The following OR51B5 variants were observed in gnomAD, a reference collection of about 807,000 sequenced individuals.
OR51B5 encodes the protein olfactory receptor family 51 subfamily B member 5.
For missense variants in OR51B5, 456 were observed against 374.6 expected (o/e 1.22, Z -1.79); for synonymous variants, 186 against 144.8 (o/e 1.28, Z -2.04).
chr11:5,403,752 C>CT (rs1268235303), intron 1 of OR51B5, among the ~76,000 whole-genome samples: 1 of 151,996 alleles, frequency 6.6e-6, no homozygotes, highest in Non-Finnish European at 1.5e-5. Flanking sequence ...AAAAGTGAGG[C>CT]TTTTTTAAAA....
At chr11:5,495,419 A>G (rs1351608800) in intron 1 of OR51B5, among the ~76,000 whole-genome samples, 1 of 152,244 alleles carries the variant, frequency 6.6e-6, no homozygotes, top group Admixed American at 6.5e-5. Context: ...AGGGATACAC[A>G]GTGTATTAAG....
Position 5,477,384 on chromosome 11 carries a change from A to C in OR51B5, n.84+28185T>G, listed in dbSNP as rs1389068698. On this transcript the variant is annotated intron_variant and non_coding_transcript_variant, in intron 1 of 4. Coordinates refer to the OR51B5 transcript ENST00000415970. ...CACCACAATCCTACCGGTCACCTTG[A>C]GGCTCACCTCCTTGAAGCTCCCAGG... 2.0e-5 allele frequency among the ~76,000 whole-genome samples: 3 copies of C among 152,254 alleles called. No homozygotes were observed. In the East Asian group the frequency reaches 5.8e-4, roughly 29 times the overall value.
chr11:5,422,479 A>T, intron 1 of OR51B5: 1 of 1,614,156 alleles, frequency 6.2e-7, no homozygotes, highest in African/African-American at 1.3e-5. Context: ...ACGTTCGTAG[A>T]ATCAGCTCTG....
intron 1 of OR51B5, among the ~76,000 whole-genome samples, chr11:5,452,594 G>A (rs1228809633): frequency 2.0e-5 from 3 of 148,238 alleles, no homozygotes; most frequent in African/African-American, 7.5e-5. Context: ...GACTTTACGA[G>A]ATATGGAGAT....
chr11:5,370,525 T>G (rs535982631), intron 1 of OR51B5, among the ~76,000 whole-genome samples: 109 of 152,328 alleles, frequency 7.2e-4, no homozygotes, highest in African/African-American at 2.4e-3. Flanking sequence ...TCTCTTTCTT[T>G]CATTCTTACT....
At chr11:5,446,214 T>C (rs1850760917) in intron 1 of OR51B5, among the ~76,000 whole-genome samples, 1 of 151,980 alleles carries the variant, frequency 6.6e-6, no homozygotes, top group African/African-American at 2.4e-5. Flanking sequence ...GTAACAAACC[T>C]GCACTTTGTG....
chr11:5,410,858 A>C (rs1850138528), intron 1 of OR51B5, among the ~76,000 whole-genome samples: 1 of 152,188 alleles, frequency 6.6e-6, no homozygotes, highest in African/African-American at 2.4e-5. Context: ...ACAAATACAT[A>C]AATTTTAAAA....
chr11:5,382,146 G>A (rs555806451), intron 1 of OR51B5, among the ~76,000 whole-genome samples: 13 of 152,248 alleles, frequency 8.5e-5, no homozygotes, highest in Middle Eastern at 3.4e-3. Context: ...TCAGGGTCTT[G>A]CCCCTGCCTA....
Position 5,444,364 on chromosome 11 carries a change from C to A in OR51B5, n.84+61205G>T, listed in dbSNP as rs185234438. Among the ~76,000 whole-genome samples, 52 of 152,196 alleles carry A rather than the reference C, an allele frequency of 3.4e-4. 1 individual carries two copies. Among genetic ancestry groups the A allele is most frequent in the Non-Finnish European group, 2.2e-4 (15 of 68,008 alleles). On this transcript the variant is annotated intron_variant and non_coding_transcript_variant, in intron 1 of 4. Coordinates refer to the OR51B5 transcript ENST00000415970. ...TATAAAATATCCTTGAGACAAAAATCTATAAATGATGCAGCAGTACCTTAA... is the reference window on the plus strand; with the variant it reads ...TATAAAATATCCTTGAGACAAAAATATATAAATGATGCAGCAGTACCTTAA...
At chr11:5,341,512 TTAAAGTA>T (rs1338321377), downstream of OR51B5, 2 of 152,212 alleles carry the variant, frequency 1.3e-5, no homozygotes, top group Non-Finnish European at 2.9e-5. Flanking sequence ...TTTGCTCTGA[TTAAAGTA>T]TAATTAAGAC....
chr11:5,346,319 TTCTTGTGTCCTCAGC>T (rs2133681981), upstream of OR51B5: 1 of 152,284 alleles, frequency 6.6e-6, no homozygotes, highest in Non-Finnish European at 1.5e-5. Flanking sequence ...TTTGTGAAAA[TTCTTGTGTCCTCAGC>T]TAGTCGTGGC....
chr11:5,455,282 A>AT (rs1250382714), intron 1 of OR51B5: 1 of 151,338 alleles, frequency 6.6e-6, no homozygotes, highest in Non-Finnish European at 1.5e-5. Context: ...CCTTCTTGAG[A>AT]TTTTAACTGT....
intron 1 of OR51B5, chr11:5,489,299 A>G: frequency 1.9e-6 from 3 of 1,611,536 alleles, no homozygotes; most frequent in Non-Finnish European, 2.5e-6. Context: ...ATCACTGTCA[A>G]TATTGTCTAT....
At position 5,379,141 on chromosome 11, in the gene OR51B5, A is replaced by C. The variant is rs567884936; in HGVS notation, n.85-32231T>G. On this transcript the variant is annotated intron_variant and non_coding_transcript_variant, in intron 1 of 4. Coordinates refer to the OR51B5 transcript ENST00000415970. ...GGAATACTATGCAGCCATAAAAATGATGAGTTCATGTCCTTTGTAGGGACA... is the reference window on the plus strand; with the variant it reads ...GGAATACTATGCAGCCATAAAAATGCTGAGTTCATGTCCTTTGTAGGGACA... Among the ~76,000 whole-genome samples, 1,407 of 152,054 alleles carry C rather than the reference A, an allele frequency of 9.3e-3. 19 individuals are homozygous for C. The highest frequency in any genetic ancestry group is 0.032 in the African/African-American group (1,342 of 41,440).
At chr11:5,427,334 C>T (rs115223639) in intron 1 of OR51B5, among the ~76,000 whole-genome samples, 524 of 151,962 alleles carry the variant, frequency 3.4e-3, no homozygotes, top group African/African-American at 0.012. Flanking sequence ...TGCCCCTACA[C>T]ATGTGTGCTG....
At chr11:5,398,434 A>C (rs1849915242) in intron 1 of OR51B5, among the ~76,000 whole-genome samples, 1 of 152,046 alleles carries the variant, frequency 6.6e-6, no homozygotes, top group Admixed American at 6.6e-5. Context: ...TTTTTCAAAA[A>C]ATGGGCAGCA....
At chr11:5,465,006 A>C (rs1223467378) in intron 1 of OR51B5, among the ~76,000 whole-genome samples, 1 of 152,044 alleles carries the variant, frequency 6.6e-6, no homozygotes, top group Non-Finnish European at 1.5e-5. Context: ...GGAGATCGAG[A>C]CCATCCCGGC....
upstream of OR51B5, among the ~76,000 whole-genome samples, chr11:5,345,255 A>G (rs1848973460): frequency 6.6e-6 from 1 of 152,218 alleles, no homozygotes; most frequent in Non-Finnish European, 1.5e-5. Flanking sequence ...TTAGACTGCT[A>G]TGTGAAGAAG....
At chr11:5,489,424 GCT>G in intron 1 of OR51B5, 1 of 1,613,776 alleles carries the variant, frequency 6.2e-7, no homozygotes. Flanking sequence ...CCAGCACAAA[GCT>G]CTGAGTACCT....
Sources: allele counts gnomAD v4.1 joint callset (sites outside exome capture counted in the v4.1 genomes callset), GRCh38; gene constraint gnomAD v4.1.1; transcripts MANE v1.5; gene names NCBI Gene and HGNC (gene_info 2026-07-23, HGNC 2026-07-21).